The following LRRC32 variants were observed in gnomAD, a reference collection of about 807,000 sequenced individuals.
The protein encoded by LRRC32 is transforming growth factor beta activator LRRC32.
LRRC32 carries 5 observed loss-of-function variants against 15.0 expected under a neutral mutation model. The observed-to-expected ratio is 0.33, with a 90% CI of 0.17 to 0.70. LRRC32 has a LOEUF of 0.70. Among genes scored for constraint, LRRC32 ranks in the 30% least tolerant of loss-of-function variants. LRRC32 has a pLI of 0.66. For synonymous variants in LRRC32, 391 were observed against 403.9 expected, an observed-to-expected ratio of 0.97 and a Z score of 0.38; for missense variants, 803 against 854.2, an observed-to-expected ratio of 0.94 and a Z score of 0.75.
Position 76,659,377 on chromosome 11 carries a change from C to A in LRRC32, c.*227G>T. On this transcript the variant is annotated 3_prime_UTR_variant, in exon 3 of 3. Coordinates refer to ENST00000260061, the MANE Select transcript of LRRC32 (RefSeq NM_001128922.2). ...TGATCTGACAGGTCAACATTATTCT[C>A]GGCTGTCCCTGAAACCGCCCAACTT... The A allele has an allele frequency of 1.8e-6, 1 of 557,840 alleles. No homozygotes were observed. The highest frequency in any genetic ancestry group is 3.2e-6 in the Non-Finnish European group (1 of 312,662). 34.6% of individuals were successfully genotyped at this position (557,840 alleles called of 1,614,324 possible). A position where few individuals can be genotyped will look rare whatever the true frequency, so the allele number is the denominator to read the frequency against.
intron 1 of LRRC32, among the ~76,000 whole-genome samples, chr11:76,669,267 C>A (rs1229320884): frequency 6.6e-6 from 1 of 152,094 alleles, no homozygotes; most frequent in African/African-American, 2.4e-5. Flanking sequence ...AGGCCCCAAG[C>A]CTGCAGACAA....
Position 76,661,243 on chromosome 11 carries a change from G to C in LRRC32, c.350C>G (p.Ala117Gly). The C allele has an allele frequency of 6.2e-7, 1 of 1,613,926 alleles. No homozygotes were observed. Among genetic ancestry groups the C allele is most frequent in the Non-Finnish European group, 8.5e-7 (1 of 1,179,896 alleles). ...NRLAMATALS[A>G]GGLGPLPRVT... ...GCGTGGCAGGGGGCCCAGGCCACCAGCACTCAGCGCAGTGGCCATCGCCAG... is the reference window on the plus strand; with the variant it reads ...GCGTGGCAGGGGGCCCAGGCCACCACCACTCAGCGCAGTGGCCATCGCCAG... The change falls in exon 3 of 3, where the codon GCT becomes GGT. Residue 117 changes from alanine (A) to glycine (G), a missense_variant. By Grantham distance (60) the Ala-to-Gly change is moderately conservative. Coordinates refer to ENST00000260061, the MANE Select transcript of LRRC32 (RefSeq NM_001128922.2).
At chr11:76,663,708 C>T (rs1952577152) in intron 2 of LRRC32, 1 of 152,394 alleles carries the variant, frequency 6.6e-6, no homozygotes, top group South Asian at 2.1e-4. Flanking sequence ...CTGCAGGGGC[C>T]ACTAAACATA....
Position 76,659,650 on chromosome 11 carries a change from C to G in LRRC32, c.1943G>C (p.Cys648Ser), listed in dbSNP as rs142698633. 78 of 1,614,116 alleles carry G rather than the reference C, an allele frequency of 4.8e-5. No individual in the cohort carries two copies. The African/African-American group carries it at 9.7e-4, about 20-fold the overall frequency. The change falls in exon 3 of 3, where the codon TGC (cysteine) becomes TCC (serine). Residue 648 changes from cysteine (C) to serine (S), a missense_variant. By Grantham distance (112) the Cys-to-Ser change is moderately radical. Transcript: ENST00000260061. ...SAILLTTLAACCCVRRQKFNQ... is the reference protein window; with the variant it reads ...SAILLTTLAASCCVRRQKFNQ... Reference sequence around the variant, plus strand: ...AAACTTCTGCCGGCGGACGCAGCAGCAGGCGGCCAGCGTGGTGAGGAGGAT... The same window carrying G: ...AAACTTCTGCCGGCGGACGCAGCAGGAGGCGGCCAGCGTGGTGAGGAGGAT...
Position 76,660,248 on chromosome 11 carries a change from T to C in LRRC32, c.1345A>G (p.Ser449Gly). ...AGCTCTATCTCATTATCCACCAGGC[T>C]CAGGCTGCGGAGGGAGGTGATGCCG... ...FSGITSLRSL[S>G]LVDNEIELLR... Residue 449 changes from serine to glycine, a missense_variant, in exon 3 of 3, where the codon AGC becomes GGC. Transcript: ENST00000260061. 1 of 1,575,642 alleles carries C rather than the reference T, an allele frequency of 6.3e-7. No homozygotes were observed. Among genetic ancestry groups the C allele is most frequent in the East Asian group, 2.2e-5 (1 of 44,532 alleles).
intron 1 of LRRC32, among the ~76,000 whole-genome samples, chr11:76,670,193 G>C (rs1466201230): frequency 6.6e-6 from 1 of 152,208 alleles, no homozygotes. Flanking sequence ...CTTGGAGAGC[G>C]GTGGGTGCCC....
Position 76,661,528 on chromosome 11 carries a change from G to T in LRRC32, c.85-20C>A. 1 of 1,562,914 alleles carries T rather than the reference G, an allele frequency of 6.4e-7. No homozygotes were observed. The highest frequency in any genetic ancestry group is 1.2e-5 in the South Asian group (1 of 84,530). On this transcript the variant is annotated intron_variant, in intron 2 of 2. Transcript: ENST00000260061. ...GTCCACCTGGGGAGGGGTAGGGTGG[G>T]GAGACAGCTGGCATAAGTGGGCACG...
Position 76,669,344 on chromosome 11 carries a change from A to AATGTGT in LRRC32, c.-5+1264_-5+1269dup, listed in dbSNP as rs1555095353. 7.0e-5 allele frequency among the ~76,000 whole-genome samples: 7 copies of AATGTGT among 99,474 alleles called. No individual in the cohort carries two copies. In the East Asian group the frequency reaches 2.4e-3, roughly 34 times the overall value. The allele number at this position is 99,474 out of a possible 152,430, so 65.3% of individuals were successfully genotyped here. On this transcript the variant is annotated intron_variant, in intron 1 of 2. Transcript: ENST00000260061. The stretch of plus-strand genomic sequence containing the variant: ...AGTCCAACTCAGAAAAGTGCCAAAG[A>AATGTGT]ATGTGTGTGTGTGTGTGTGTGTGTG...
At chr11:76,662,285 T>A (rs1028161099) in intron 2 of LRRC32, among the ~76,000 whole-genome samples, 7 of 152,094 alleles carry the variant, frequency 4.6e-5, no homozygotes, top group Admixed American at 1.3e-4. Flanking sequence ...TGAGACTGTG[T>A]TTGTGCTGTG....
In LRRC32 at chr11:76,659,814, G is replaced by T. The variant is rs753459647; in HGVS notation, c.1779C>A (p.Asp593Glu). Reference protein sequence around the residue: ...AQLHQGRVDVDATQDLICRFS... With the variant: ...AQLHQGRVDVEATQDLICRFS... ...AGCGGCAGATCAGGTCCTGGGTGGC[G>T]TCCACGTCCACACGGCCCTGGTGCA... Residue 593 changes from aspartate to glutamate, a missense_variant, in exon 3 of 3, where the codon GAC becomes GAA. Transcript: ENST00000260061. 3.1e-6 allele frequency: 5 copies of T among 1,614,166 alleles called. No individual in the cohort carries two copies. The East Asian group carries it at 1.1e-4, about 36-fold the overall frequency.
intron 2 of LRRC32, among the ~76,000 whole-genome samples, chr11:76,664,791 T>C (rs1294814362): frequency 3.3e-5 from 5 of 152,224 alleles, no homozygotes; most frequent in Admixed American, 3.3e-4. Context: ...CTCCCTGAGG[T>C]AGAATGTGCG....
chr11:76,670,247 G>A (rs1952690155), intron 1 of LRRC32, among the ~76,000 whole-genome samples: 1 of 152,246 alleles, frequency 6.6e-6, no homozygotes, highest in African/African-American at 2.4e-5. Flanking sequence ...AGTGCTGTGG[G>A]ATGGGCAGCC....
At chr11:76,670,366 T>C (rs1314655271) in intron 1 of LRRC32, among the ~76,000 whole-genome samples, 1 of 152,188 alleles carries the variant, frequency 6.6e-6, no homozygotes, top group African/African-American at 2.4e-5. Context: ...GGCCATTGTT[T>C]TCCCAGCTGT....
Position 76,660,679 on chromosome 11 carries a change from G to A in LRRC32, c.914C>T (p.Pro305Leu). ...EGWSALPLSA[P>L]SGNASGRPLS... ...GGGGCGGCCGCTGGCATTCCCGCTG[G>A]GGGCTGAGAGGGGCAGGGCTGACCA... Residue 305 changes from proline (P) to leucine (L), a missense_variant, in exon 3 of 3, where the codon CCC becomes CTC. Physicochemically the swap from Pro to Leu is moderately conservative, Grantham distance 98. Transcript: ENST00000260061. 6.2e-7 allele frequency: 1 copy of A among 1,614,112 alleles called. No homozygotes were observed. Among genetic ancestry groups the A allele is most frequent in the Non-Finnish European group, 8.5e-7 (1 of 1,180,016 alleles).
At chr11:76,668,383 A>G (rs992484047) in intron 1 of LRRC32, among the ~76,000 whole-genome samples, 1 of 152,140 alleles carries the variant, frequency 6.6e-6, no homozygotes, top group African/African-American at 2.4e-5. Context: ...TAGCAGCCAG[A>G]GTGATAATAT....
At position 76,660,792 on chromosome 11, in the gene LRRC32, G is replaced by A. The variant is rs201099467; in HGVS notation, c.801C>T (p.Leu267=). 5.0e-5 allele frequency: 80 copies of A among 1,614,172 alleles called. No homozygotes were observed. In the African/African-American group the frequency reaches 9.3e-4, roughly 19 times the overall value. ...GGTTGTTGGACAAGTTCAGGTAGAT[G>A]AGTCTCGGGAGCGCGGCCAGGTCGG... ...HFPDLAALPR[L]IYLNLSNNLI... Residue 267 remains leucine (L), a synonymous_variant, in exon 3 of 3, where the codon CTC becomes CTT. Coordinates refer to ENST00000260061, the MANE Select transcript of LRRC32 (RefSeq NM_001128922.2).
rs933197750 is a variant in LRRC32 at position 76,659,219 on chromosome 11, G to A, written c.*385C>T. The A allele has an allele frequency of 6.7e-5, 15 of 224,372 alleles. No individual in the cohort carries two copies. The highest frequency in any genetic ancestry group is 1.1e-4 in the East Asian group (1 of 9,138). 13.9% of individuals were successfully genotyped at this position (224,372 alleles called of 1,614,324 possible). On this transcript the variant is annotated 3_prime_UTR_variant, in exon 3 of 3. Transcript: ENST00000260061. ...TCAGGCCCTAAGCACACTGCGTGGCGGCCACGTGGCTCTGCAGCACTCTCT... is the reference window on the plus strand; with the variant it reads ...TCAGGCCCTAAGCACACTGCGTGGCAGCCACGTGGCTCTGCAGCACTCTCT...
At chr11:76,666,007 T>C in intron 1 of LRRC32, 49 bp from the exon 2 acceptor site, 4 of 1,550,334 alleles carry the variant, frequency 2.6e-6, no homozygotes, top group Non-Finnish European at 3.6e-6. Context: ...CACTGGCTCC[T>C]TCCCACTGCC....
In LRRC32 at chr11:76,659,616, C is replaced by T; in HGVS notation, c.1977G>A (p.Gln659=). ...TCTCCCGGCTTCTTTAGGCTTTATA[C>T]TGTTGGTTAAACTTCTGCCGGCGGA... The part of the protein sequence containing the change: ...CCVRRQKFNQ[Q]YKA Residue 659 remains glutamine (Q), a synonymous_variant, in exon 3 of 3, where the codon CAG becomes CAA. Coordinates refer to ENST00000260061, the MANE Select transcript of LRRC32 (RefSeq NM_001128922.2). 2 of 1,614,080 alleles carry T rather than the reference C, an allele frequency of 1.2e-6. No homozygotes were observed. Among genetic ancestry groups the T allele is most frequent in the Non-Finnish European group, 1.7e-6 (2 of 1,180,000 alleles).
Sources: gnomAD v4.1 joint callset for allele counts (sites outside exome capture counted in the v4.1 genomes callset) on GRCh38, gnomAD v4.1.1 for gene constraint, MANE v1.5 for transcripts, NCBI Gene and HGNC (gene_info 2026-07-23, HGNC 2026-07-21) for gene names.